ADPRHL1: variants seen among roughly 807,000 people sequenced by gnomAD.
ADPRHL1 encodes the protein ADP-ribosylhydrolase like 1, also known as inactive ADP-ribosyltransferase ARH2.
A neutral mutation model predicts 44.1 loss-of-function variants in ADPRHL1; 43 were observed. The observed-to-expected ratio is 0.98, with a 90% CI of 0.76 to 1.26. The LOEUF is 1.26. Ranked by LOEUF, ADPRHL1 falls within the 50% of genes most tolerant of loss-of-function variation. ADPRHL1 has a pLI of 0.00. For missense variants in ADPRHL1, 2,022 were observed against 2,496.9 expected (o/e 0.81, Z 4.05); for synonymous variants, 878 against 1,017.4 (o/e 0.86, Z 2.61).
intron 4 of ADPRHL1, among the ~76,000 whole-genome samples, chr13:113,425,563 G>A (rs1299377298): frequency 6.6e-6 from 1 of 151,964 alleles, no homozygotes; most frequent in African/African-American, 2.4e-5. Context: ...GTAGAGACGA[G>A]GTTTCACCAT....
Position 113,405,982 on chromosome 13 carries a change from T to C in ADPRHL1, c.3300A>G (p.Leu1100=). 8.1e-7 allele frequency: 1 copy of C among 1,232,092 alleles called. No homozygotes were observed. The highest frequency in any genetic ancestry group is 1.0e-6 in the Non-Finnish European group (1 of 988,038). 76.3% of individuals were successfully genotyped at this position (1,232,092 alleles called of 1,614,324 possible). Residue 1100 remains leucine (L), a synonymous_variant, in exon 8 of 8, where the codon TTA becomes TTG. Coordinates refer to ENST00000612156, the MANE Select transcript of ADPRHL1 (RefSeq NM_001394807.1). ...HDVRENPLSS[L]NEPPKPGMKA... ...TCATACCTGGTTTGGGTGGTTCATT[T>C]AATGAGGACAGTGGGTTCTCGCGAA... is the stretch of plus-strand genomic sequence containing the variant.
intron 3 of ADPRHL1, among the ~76,000 whole-genome samples, chr13:113,431,378 C>T (rs996849993): frequency 1.3e-5 from 2 of 152,232 alleles, no homozygotes; most frequent in African/African-American, 4.8e-5. Context: ...GCTGTTGGGC[C>T]ACTCTTGAAG....
chr13:113,447,782 G>A (rs991426993), intron 1 of ADPRHL1, among the ~76,000 whole-genome samples: 5 of 152,250 alleles, frequency 3.3e-5, no homozygotes, highest in Non-Finnish European at 5.9e-5. Context: ...GGTCACCTTC[G>A]CCTGCACCCG....
Position 113,403,800 on chromosome 13 carries a change from C to A in ADPRHL1, c.5482G>T (p.Gly1828Ter). 8.1e-7 allele frequency: 1 copy of A among 1,234,488 alleles called. No individual in the cohort carries two copies. Among genetic ancestry groups the A allele is most frequent in the Non-Finnish European group, 1.0e-6 (1 of 989,972 alleles). The allele number at this position is 1,234,488 out of a possible 1,614,324, so 76.5% of individuals were successfully genotyped here. The change falls in exon 8 of 8, where the codon GGA becomes TGA. Residue 1828 changes from glycine (G) to a stop codon, truncating the protein, a stop_gained. Transcript: ENST00000612156. LOFTEE classifies it low-confidence loss of function (END_TRUNC). ...CCACTCCTGCCAGCAGCATCCACTC[C>A]CTCAGCTATGCCACTAATGGGCTGC... The part of the protein sequence containing the change: ...WEQPISGIAE[G>*]VDAAGRSGGS...
At position 113,407,182 on chromosome 13, in the gene ADPRHL1, G is replaced by T; in HGVS notation, c.2100C>A (p.His700Gln). ...TPQVMAQRDG[H>Q]AVPSLAFSCA... Reference sequence around the variant, plus strand: ...AAGAGAAGGCCAGCGAGGGGACAGCGTGGCCGTCCCTCTGAGCCATCACCT... The same window carrying T: ...AAGAGAAGGCCAGCGAGGGGACAGCTTGGCCGTCCCTCTGAGCCATCACCT... The change falls in exon 8 of 8, where the codon CAC (histidine) becomes CAA (glutamine). Residue 700 changes from histidine to glutamine, a missense_variant. Around this residue, in one of 8 missense-constraint regions of ADPRHL1, gnomAD observed 1,221 missense variants for 1,517.8 expected, o/e 0.80. Transcript: ENST00000612156. The T allele has an allele frequency of 8.1e-7, 1 of 1,232,242 alleles. No homozygotes were observed. Among genetic ancestry groups the T allele is most frequent in the Non-Finnish European group, 1.0e-6 (1 of 988,046 alleles). 76.3% of individuals were successfully genotyped at this position (1,232,242 alleles called of 1,614,324 possible).
chr13:113,407,306 G>C lies in ADPRHL1; in HGVS notation c.1976C>G (p.Ala659Gly). 2 of 1,231,986 alleles carry C rather than the reference G, an allele frequency of 1.6e-6. No individual in the cohort carries two copies. The highest frequency in any genetic ancestry group is 2.0e-6 in the Non-Finnish European group (2 of 988,036). 76.3% of individuals were successfully genotyped at this position (1,231,986 alleles called of 1,614,324 possible). The change falls in exon 8 of 8, where the codon GCC becomes GGC. Residue 659 changes from alanine to glycine, a missense_variant. By Grantham distance (60) the Ala-to-Gly change is moderately conservative. Around this residue, in one of 8 missense-constraint regions of ADPRHL1, gnomAD observed 1,221 missense variants for 1,517.8 expected, o/e 0.80. Transcript: ENST00000612156. ...PRGEASVPPS[A>G]RETGPSGNKA... Reference sequence around the variant, plus strand: ...GTTCCCACTGGGCCCCGTCTCCCTGGCACTAGGGGGCACGCTGGCTTCTCC... The same window carrying C: ...GTTCCCACTGGGCCCCGTCTCCCTGCCACTAGGGGGCACGCTGGCTTCTCC...
chr13:113,410,241 G>A (rs898551557), intron 7 of ADPRHL1, among the ~76,000 whole-genome samples: 1 of 152,206 alleles, frequency 6.6e-6, no homozygotes, highest in Non-Finnish European at 1.5e-5. Context: ...AGTTCACGTG[G>A]AGAGAGTGTG....
At chr13:113,443,702 T>C (rs2044114838) in intron 2 of ADPRHL1, among the ~76,000 whole-genome samples, 1 of 151,910 alleles carries the variant, frequency 6.6e-6, no homozygotes, top group South Asian at 2.1e-4. Flanking sequence ...CCCACCACTT[T>C]GGGAGGCCAA....
chr13:113,415,750 C>CAAAAAA (rs71214119), intron 7 of ADPRHL1, among the ~76,000 whole-genome samples: 154 of 62,956 alleles, frequency 2.4e-3, no homozygotes, highest in Non-Finnish European at 2.7e-3. Flanking sequence ...GACTCCATCT[C>CAAAAAA]AAAAAAAAAA....
At chr13:113,424,679 T>TCCAC (rs2043951119) in intron 5 of ADPRHL1, among the ~76,000 whole-genome samples, 1 of 2,126 alleles carries the variant, frequency 4.7e-4, no homozygotes, top group Non-Finnish European at 1.0e-3. Flanking sequence ...TCACCATCCA[T>TCCAC]TCATCTATCC....
chr13:113,403,885 C>T lies in ADPRHL1; in HGVS notation c.5397G>A (p.Arg1799=). The T allele has an allele frequency of 7.9e-7, 1 of 1,266,396 alleles. No individual in the cohort carries two copies. The highest frequency in any genetic ancestry group is 9.9e-7 in the Non-Finnish European group (1 of 1,011,558). The allele number at this position is 1,266,396 out of a possible 1,614,324, so 78.4% of individuals were successfully genotyped here. Reference sequence around the variant, plus strand: ...CCTGTTCCCGACCCTGTTCCCAAGCCCGTTCCTGAGCCCCTTTCTGGGTCT... The same window carrying T: ...CCTGTTCCCGACCCTGTTCCCAAGCTCGTTCCTGAGCCCCTTTCTGGGTCT... The part of the protein sequence containing the change: ...QRQTQKGAQE[R]AWEQGREQAL... The change falls in exon 8 of 8, where the codon CGG becomes CGA. Residue 1799 remains arginine, a synonymous_variant. Transcript: ENST00000612156.
intron 2 of ADPRHL1, among the ~76,000 whole-genome samples, chr13:113,440,732 G>C (rs1244902665): frequency 6.6e-6 from 1 of 152,138 alleles, no homozygotes; most frequent in African/African-American, 2.4e-5. Flanking sequence ...TGGGATCACA[G>C]GTGTGAGCCA....
At chr13:113,437,026 G>C (rs1291441770) in intron 2 of ADPRHL1, among the ~76,000 whole-genome samples, 4 of 147,108 alleles carry the variant, frequency 2.7e-5, no homozygotes, top group Non-Finnish European at 6.0e-5. Flanking sequence ...TGTACCCTGG[G>C]ACTCGGCACC....
At position 113,404,220 on chromosome 13, in the gene ADPRHL1, C is replaced by A. The variant is rs1181354226; in HGVS notation, c.5062G>T (p.Ala1688Ser). 1 of 1,266,188 alleles carries A rather than the reference C, an allele frequency of 7.9e-7. No homozygotes were observed. Among genetic ancestry groups the A allele is most frequent in the Non-Finnish European group, 9.9e-7 (1 of 1,010,958 alleles). The allele number at this position is 1,266,188 out of a possible 1,614,324, so 78.4% of individuals were successfully genotyped here. ...GCCCCTTTCTGGGCCTGTTCCCGAGCCCGTTCCTGAGCCCCTTTCTGGGCC... is the reference window on the plus strand; with the variant it reads ...GCCCCTTTCTGGGCCTGTTCCCGAGACCGTTCCTGAGCCCCTTTCTGGGCC... ...EQAQKGAQER[A>S]REQAQKGAQE... Residue 1688 changes from alanine to serine, a missense_variant, in exon 8 of 8, where the codon GCT (alanine) becomes TCT (serine). By Grantham distance (99) the Ala-to-Ser change is moderately conservative (BLOSUM62 1). Transcript: ENST00000612156.
At chr13:113,444,356 G>C in intron 2 of ADPRHL1, 69 bp downstream of exon 2, 12 of 1,556,272 alleles carry the variant, frequency 7.7e-6, no homozygotes, top group Non-Finnish European at 1.0e-5. Flanking sequence ...GTTAGTGGAA[G>C]GCAGATGGTT....
chr13:113,429,868 G>A (rs1217541177), intron 3 of ADPRHL1, among the ~76,000 whole-genome samples: 1 of 152,220 alleles, frequency 6.6e-6, no homozygotes, highest in African/African-American at 2.4e-5. Context: ...TCATCTTATA[G>A]GCACTGCCTC....
chr13:113,448,823 G>A (rs570236905), intron 1 of ADPRHL1, among the ~76,000 whole-genome samples: 86 of 152,366 alleles, frequency 5.6e-4, no homozygotes, highest in Non-Finnish European at 9.6e-4. Flanking sequence ...TTTGCTGGTT[G>A]CTCCGTTTAA....
intron 7 of ADPRHL1, among the ~76,000 whole-genome samples, chr13:113,414,538 G>A (rs575912342): frequency 3.3e-5 from 5 of 152,044 alleles, no homozygotes; most frequent in Admixed American, 3.3e-4. Flanking sequence ...CCTGTCTGGG[G>A]GCACACATCC....
intron 3 of ADPRHL1, among the ~76,000 whole-genome samples, chr13:113,432,557 T>G (rs1272020449): frequency 6.6e-6 from 1 of 152,202 alleles, no homozygotes; most frequent in East Asian, 1.9e-4. Context: ...GTGCCTTCCC[T>G]CTTTCATTTT....
Sources: allele counts gnomAD v4.1 joint callset (sites outside exome capture counted in the v4.1 genomes callset), GRCh38; gene constraint gnomAD v4.1.1; regional missense constraint gnomAD v4.1.1; transcripts MANE v1.5; gene names NCBI Gene and HGNC (gene_info 2026-07-23, HGNC 2026-07-21).